Variants in PRCP observed in about 807,000 individuals in gnomAD.
PRCP encodes lysosomal Pro-X carboxypeptidase.
PRCP carries 46 observed loss-of-function variants against 54.2 expected under a neutral mutation model. That is an observed-to-expected ratio of 0.85 (90% confidence interval 0.67 to 1.09). The LOEUF (loss-of-function observed/expected upper bound fraction) is 1.09. Ranked by LOEUF, PRCP falls within the 50% of genes least tolerant of loss-of-function variation. The pLI, the probability that PRCP is intolerant of heterozygous loss-of-function variation, is 0.00. For synonymous variants in PRCP, 240 were observed against 212.2 expected (o/e 1.13, Z -1.14); for missense variants, 613 against 596.8 (o/e 1.03, Z -0.28).
Position 82,858,972 on chromosome 11 carries a change from T to A in PRCP, c.309+1005A>T, listed in dbSNP as rs527598023. ...AAATGCAATAACAATGTAATTGGGT[T>A]CATATCTTTACTTTAAATTCATATA... On this transcript the variant is annotated intron_variant, in intron 2 of 8. Transcript: ENST00000313010. 3.5e-4 allele frequency among the ~76,000 whole-genome samples: 54 copies of A among 152,354 alleles called. No homozygotes were observed. In the South Asian group the frequency reaches 0.011, roughly 31 times the overall value.
chr11:82,831,904 T>G (rs919342002), intron 8 of PRCP, among the ~76,000 whole-genome samples: 1 of 152,076 alleles, frequency 6.6e-6, no homozygotes, highest in Non-Finnish European at 1.5e-5. Context: ...GTGTGTTATG[T>G]TCCCCTCCCT....
At chr11:82,884,831 T>C (rs1208608163) in intron 1 of PRCP, 1 of 1,613,100 alleles carries the variant, frequency 6.2e-7, no homozygotes, top group African/African-American at 1.3e-5. Context: ...ACCAGAGGAG[T>C]CTTGTAATGA....
At chr11:82,875,953 G>T (rs1859594244) in intron 1 of PRCP, among the ~76,000 whole-genome samples, 2 of 152,066 alleles carry the variant, frequency 1.3e-5, no homozygotes, top group African/African-American at 4.8e-5. Flanking sequence ...TCTCTACATG[G>T]ATTTCCTCCT....
intron 1 of PRCP, among the ~76,000 whole-genome samples, chr11:82,891,802 G>C: frequency 6.6e-6 from 1 of 152,298 alleles, no homozygotes; most frequent in East Asian, 1.9e-4. Context: ...AATGAATTTA[G>C]ACAGACATTG....
At chr11:82,898,023 C>T (rs919150898) in intron 1 of PRCP, among the ~76,000 whole-genome samples, 1 of 152,158 alleles carries the variant, frequency 6.6e-6, no homozygotes, top group Non-Finnish European at 1.5e-5. Context: ...TGTGCTCTAA[C>T]TTAAAAACTT....
chr11:82,855,483 G>A lies in PRCP; in HGVS notation c.310-2205C>T, dbSNP rs564229471. Reference sequence around the variant, plus strand: ...AATGCAAAAAACTTAGCCGGGCGTGGTGGCGGGCACCTGTAGTCCCAGCTA... The same window carrying A: ...AATGCAAAAAACTTAGCCGGGCGTGATGGCGGGCACCTGTAGTCCCAGCTA... On this transcript the variant is annotated intron_variant, in intron 2 of 8. Transcript: ENST00000313010. Among the ~76,000 whole-genome samples, 105 of 152,226 alleles carry A rather than the reference G, an allele frequency of 6.9e-4. 1 individual carries two copies. The highest frequency in any genetic ancestry group is 2.2e-3 in the African/African-American group (91 of 41,566).
At chr11:82,856,906 G>T (rs11233348) in intron 2 of PRCP, among the ~76,000 whole-genome samples, 21,226 of 151,748 alleles carry the variant, frequency 0.14, 1,552 homozygotes, top group Middle Eastern at 0.19. Flanking sequence ...CGTGGTGGCA[G>T]GCGCCTGTAG....
chr11:82,871,050 C>T (rs1859468468), intron 1 of PRCP, among the ~76,000 whole-genome samples: 1 of 151,950 alleles, frequency 6.6e-6, no homozygotes, highest in African/African-American at 2.4e-5. Flanking sequence ...CAATAATAAT[C>T]TCATAAAAAT....
At chr11:82,863,538 T>C (rs2121187753) in intron 1 of PRCP, among the ~76,000 whole-genome samples, 1 of 152,320 alleles carries the variant, frequency 6.6e-6, no homozygotes, top group South Asian at 2.1e-4. Context: ...AAGATAATTT[T>C]GCCCTAATGA....
chr11:82,896,445 GT>G (rs1378936820), intron 1 of PRCP, among the ~76,000 whole-genome samples: 2 of 152,084 alleles, frequency 1.3e-5, no homozygotes, highest in African/African-American at 4.8e-5. Flanking sequence ...GGAGGCCAAG[GT>G]GGGTGGATCA....
intron 1 of PRCP, among the ~76,000 whole-genome samples, chr11:82,899,347 T>A (rs534337227): frequency 6.6e-6 from 1 of 152,302 alleles, no homozygotes; most frequent in East Asian, 1.9e-4. Flanking sequence ...CTCACAGAAG[T>A]ACTGTAACCT....
chr11:82,867,866 C>G (rs573613624), intron 1 of PRCP, among the ~76,000 whole-genome samples: 1 of 152,160 alleles, frequency 6.6e-6, no homozygotes, highest in Admixed American at 6.5e-5. Context: ...TAACTAAAGG[C>G]GCACACCACC....
Position 82,824,902 on chromosome 11 carries a change from T to A in PRCP, c.*4A>T. The A allele has an allele frequency of 6.2e-7, 1 of 1,612,006 alleles. No homozygotes were observed. On this transcript the variant is annotated 3_prime_UTR_variant, in exon 9 of 9. Coordinates refer to ENST00000313010, the MANE Select transcript of PRCP (RefSeq NM_005040.4). ...AGAAGAAATTGAAAACAATCAAAAGTTTCTCAGTGCTGCTTTCCCGCACTG... is the reference window on the plus strand; with the variant it reads ...AGAAGAAATTGAAAACAATCAAAAGATTCTCAGTGCTGCTTTCCCGCACTG...
At chr11:82,895,854 A>G (rs1196811526) in intron 1 of PRCP, among the ~76,000 whole-genome samples, 1 of 152,214 alleles carries the variant, frequency 6.6e-6, no homozygotes, top group Non-Finnish European at 1.5e-5. Context: ...ACAGCAATTG[A>G]AAGTGGAACT....
intron 1 of PRCP, among the ~76,000 whole-genome samples, chr11:82,877,706 G>C (rs1250535131): frequency 6.6e-6 from 1 of 152,244 alleles, no homozygotes; most frequent in Admixed American, 6.5e-5. Flanking sequence ...GGAAATGCCT[G>C]GATGCCCAGG....
chr11:82,868,977 G>C (rs539750266), intron 1 of PRCP, among the ~76,000 whole-genome samples: 2 of 152,004 alleles, frequency 1.3e-5, no homozygotes, highest in East Asian at 1.9e-4. Flanking sequence ...CAGAGGTTGC[G>C]GTAAGCCAAG....
chr11:82,855,621 A>AC (rs1411474715), intron 2 of PRCP, among the ~76,000 whole-genome samples: 1 of 152,152 alleles, frequency 6.6e-6, no homozygotes, highest in Non-Finnish European at 1.5e-5. Context: ...TCTGTTCAAA[A>AC]AATAATAACA....
At chr11:82,845,571 T>A (rs1289859851) in intron 6 of PRCP, 2 of 152,196 alleles carry the variant, frequency 1.3e-5, no homozygotes, top group African/African-American at 4.8e-5. Context: ...TTTCATAGAA[T>A]GCACCTAAAC....
chr11:82,882,339 G>C (rs1015133703), intron 1 of PRCP, among the ~76,000 whole-genome samples: 1 of 152,206 alleles, frequency 6.6e-6, no homozygotes, highest in East Asian at 1.9e-4. Flanking sequence ...GAAGTGTTAT[G>C]TAATAACATT....
Sources: gnomAD v4.1 joint callset for allele counts (sites outside exome capture counted in the v4.1 genomes callset) on GRCh38, gnomAD v4.1.1 for gene constraint, MANE v1.5 for transcripts, NCBI Gene and HGNC (gene_info 2026-07-23, HGNC 2026-07-21) for gene names.